The following ADCY1 variants were observed in gnomAD, a reference collection of about 807,000 sequenced individuals.
ADCY1 encodes adenylate cyclase 1, also known as adenylate cyclase type 1.
ADCY1 carries 28 observed loss-of-function variants against 105.4 expected under a neutral mutation model. That is an observed-to-expected ratio of 0.27 (90% confidence interval 0.20 to 0.36). ADCY1 has a LOEUF of 0.36. ADCY1 is among the 10% of genes least tolerant of loss of function. ADCY1 has a pLI of 1.00. For missense variants in ADCY1, 977 were observed against 1,434.2 expected, an observed-to-expected ratio of 0.68 and a Z score of 5.15; for synonymous variants, 655 against 623.8, an observed-to-expected ratio of 1.05 and a Z score of -0.75.
At chr7:45,588,695 C>G (rs1331564601) in intron 1 of ADCY1, among the ~76,000 whole-genome samples, 1 of 152,104 alleles carries the variant, frequency 6.6e-6, no homozygotes, top group Non-Finnish European at 1.5e-5. Flanking sequence ...TCCGAGCATG[C>G]TGGTGCTCAG....
At chr7:45,685,110 G>A (rs769195944) in intron 12 of ADCY1, 42 bp downstream of exon 12, 8 of 1,555,752 alleles carry the variant, frequency 5.1e-6, no homozygotes, top group African/African-American at 4.1e-5. Context: ...GGCGGGAGAG[G>A]GCATGGCATG....
Position 45,703,278 on chromosome 7 carries a change from C to G in ADCY1, c.2455-98C>G. On this transcript the variant is annotated intron_variant, in intron 14 of 19. Transcript: ENST00000297323. This position sits in a 1 kb window ranked among gnomAD's most constrained non-coding sequence, Gnocchi z 5.9. ...AGCGTGGATGTAGACCATCAGCACA[C>G]CTGGAGTCCAGTTTGGATGATTAGA... 1 of 1,138,560 alleles carries G rather than the reference C, an allele frequency of 8.8e-7. No homozygotes were observed. The highest frequency in any genetic ancestry group is 1.3e-6 in the Non-Finnish European group (1 of 754,842). 70.5% of individuals were successfully genotyped at this position (1,138,560 alleles called of 1,614,324 possible).
At chr7:45,670,322 C>G (rs906436930) in intron 8 of ADCY1, among the ~76,000 whole-genome samples, 3 of 152,230 alleles carry the variant, frequency 2.0e-5, no homozygotes, top group Non-Finnish European at 4.4e-5. Flanking sequence ...ATGCCCGTCA[C>G]AGCCCAGGAC....
intron 4 of ADCY1, among the ~76,000 whole-genome samples, chr7:45,631,693 G>A (rs748773039): frequency 2.6e-5 from 4 of 152,160 alleles, no homozygotes; most frequent in East Asian, 1.9e-4. Flanking sequence ...ATTTTTGTGC[G>A]CATGTGAATT....
At chr7:45,662,027 C>T (rs755270793) in intron 7 of ADCY1, 32 bp from the exon 8 acceptor site, 1 of 1,603,216 alleles carries the variant, frequency 6.2e-7, no homozygotes, top group East Asian at 2.2e-5. Context: ...TCATTCACAG[C>T]ATTTCTCCTT....
intron 8 of ADCY1, among the ~76,000 whole-genome samples, chr7:45,666,593 T>C (rs1003689949): frequency 6.6e-6 from 1 of 152,256 alleles, no homozygotes; most frequent in Non-Finnish European, 1.5e-5. Context: ...AACATACGTG[T>C]GCATTTGTCT....
At position 45,582,020 on chromosome 7, in the gene ADCY1, G is replaced by T. The variant is rs910414743; in HGVS notation, c.639+6838G>T. ...TGCATGCACTTACACATTCACATGCGCCCTCACACTCATTTTGTACCTACA... is the reference window on the plus strand; with the variant it reads ...TGCATGCACTTACACATTCACATGCTCCCTCACACTCATTTTGTACCTACA... On this transcript the variant is annotated intron_variant, in intron 1 of 19. Transcript: ENST00000297323. Among the ~76,000 whole-genome samples, 2 of 151,616 alleles carry T rather than the reference G, an allele frequency of 1.3e-5. 1 individual carries two copies. Among genetic ancestry groups the T allele is most frequent in the Admixed American group, 1.3e-4 (2 of 15,202 alleles).
chr7:45,683,226 C>G, intron 11 of ADCY1, among the ~76,000 whole-genome samples: 1 of 152,178 alleles, frequency 6.6e-6, no homozygotes. Context: ...AGAGGTTTAT[C>G]TACATACTTT....
rs754681851 is a variant in ADCY1, at chr7:45,708,509, T to A, written c.2932+45T>A. 6.9e-7 allele frequency: 1 copy of A among 1,448,838 alleles called. No homozygotes were observed. Among genetic ancestry groups the A allele is most frequent in the Non-Finnish European group, 9.7e-7 (1 of 1,031,566 alleles). The allele number at this position is 1,448,838 out of a possible 1,614,324, so 89.7% of individuals were successfully genotyped here. A position where few individuals can be genotyped will look rare whatever the true frequency, so the allele number is the denominator to read the frequency against. ...TCCTGTCCATCCATGTGGAACACCT[T>A]CCTACACCCACCTAGGGGTGGGATC... On this transcript the variant is annotated intron_variant, in intron 18 of 19. Coordinates refer to ENST00000297323, the MANE Select transcript of ADCY1 (RefSeq NM_021116.4). The surrounding 1 kb of genome is among the most constrained non-coding windows in gnomAD (Gnocchi z 4.7).
At chr7:45,663,063 G>A (rs1352122356) in intron 8 of ADCY1, among the ~76,000 whole-genome samples, 1 of 152,250 alleles carries the variant, frequency 6.6e-6, no homozygotes, top group Non-Finnish European at 1.5e-5. Flanking sequence ...AGAGATGTCT[G>A]TGGTGGTCCC....
intron 8 of ADCY1, chr7:45,664,640 CTG>C: frequency 1.5e-6 from 1 of 669,638 alleles, no homozygotes. Context: ...GTTTGTGTGT[CTG>C]TATTTTTTTA....
chr7:45,641,543 C>A (rs1414918285), intron 4 of ADCY1, among the ~76,000 whole-genome samples: 1 of 152,152 alleles, frequency 6.6e-6, no homozygotes, highest in African/African-American at 2.4e-5. Context: ...CCTGGCACCA[C>A]CACGATACCA....
chr7:45,629,956 G>GT (rs1390939685), intron 4 of ADCY1, among the ~76,000 whole-genome samples: 61 of 152,108 alleles, frequency 4.0e-4, no homozygotes, highest in Non-Finnish European at 5.9e-5. Context: ...TTTAATTTTA[G>GT]TTTTTTTCTA....
At chr7:45,624,870 C>A (rs751002487) in intron 4 of ADCY1, among the ~76,000 whole-genome samples, 1 of 152,184 alleles carries the variant, frequency 6.6e-6, no homozygotes, top group Non-Finnish European at 1.5e-5. Flanking sequence ...TGATGCTGGG[C>A]CCTCCACTCC....
chr7:45,598,368 A>G (rs189322577), intron 2 of ADCY1, among the ~76,000 whole-genome samples: 1 of 152,232 alleles, frequency 6.6e-6, no homozygotes, highest in Non-Finnish European at 1.5e-5. Context: ...AATGCTCCAA[A>G]GGGGTGTGAA....
intron 3 of ADCY1, among the ~76,000 whole-genome samples, chr7:45,620,819 C>G (rs139342628): frequency 2.0e-5 from 3 of 152,204 alleles, no homozygotes; most frequent in African/African-American, 7.2e-5. Context: ...ATTCTGTATC[C>G]GGCAAAAATC....
rs760228139 is a variant in ADCY1, at chr7:45,703,353, A to G, written c.2455-23A>G. ...GAAGGCAGCGTGAGTGGATGGGACT[A>G]ATGGAGGCTCATGATACCCCAGGCA... On this transcript the variant is annotated intron_variant, in intron 14 of 19. Coordinates refer to ENST00000297323, the MANE Select transcript of ADCY1 (RefSeq NM_021116.4). This position sits in a 1 kb window ranked among gnomAD's most constrained non-coding sequence, Gnocchi z 5.9. The G allele has an allele frequency of 6.2e-7, 1 of 1,608,884 alleles. No individual in the cohort carries two copies. Among genetic ancestry groups the G allele is most frequent in the Non-Finnish European group, 8.5e-7 (1 of 1,175,538 alleles).
chr7:45,686,349 C>A lies in ADCY1; in HGVS notation c.2327+134C>A. 1 of 1,429,770 alleles carries A rather than the reference C, an allele frequency of 7.0e-7. No individual in the cohort carries two copies. Among genetic ancestry groups the A allele is most frequent in the Non-Finnish European group, 9.4e-7 (1 of 1,068,252 alleles). The allele number at this position is 1,429,770 out of a possible 1,614,324, so 88.6% of individuals were successfully genotyped here. On this transcript the variant is annotated intron_variant, in intron 13 of 19. Coordinates refer to ENST00000297323, the MANE Select transcript of ADCY1 (RefSeq NM_021116.4). The surrounding 1 kb of genome is among the most constrained non-coding windows in gnomAD (Gnocchi z 4.3). Reference sequence around the variant, plus strand: ...GTATACACAATTTTTAGTTTGGTGGCTGCTTCTCTTCAACCCAAGTTCTAG... The same window carrying A: ...GTATACACAATTTTTAGTTTGGTGGATGCTTCTCTTCAACCCAAGTTCTAG...
intron 1 of ADCY1, among the ~76,000 whole-genome samples, chr7:45,590,819 GGGT>G (rs1415212048): frequency 6.6e-6 from 1 of 152,236 alleles, no homozygotes; most frequent in African/African-American, 2.4e-5. Flanking sequence ...GGCCTGCAGA[GGGT>G]GTGGTCAGGG....
Sources: allele counts gnomAD v4.1 joint callset (sites outside exome capture counted in the v4.1 genomes callset), GRCh38; gene constraint gnomAD v4.1.1; non-coding constraint Gnocchi (gnomAD v3.1); transcripts MANE v1.5; gene names NCBI Gene and HGNC (gene_info 2026-07-23, HGNC 2026-07-21).